Variants in IL4I1 observed in about 807,000 individuals in gnomAD.
IL4I1 encodes L-amino-acid oxidase.
IL4I1 carries 24 observed loss-of-function variants against 29.7 expected under a neutral mutation model. The ratio of observed to expected loss-of-function variants is 0.81; its 90% CI spans 0.59 to 1.14. The LOEUF (loss-of-function observed/expected upper bound fraction) is 1.14. Among genes scored for constraint, IL4I1 ranks in the 50% most tolerant of loss-of-function variants. IL4I1 has a pLI of 0.00. For missense variants in IL4I1, 686 were observed against 785.6 expected (o/e 0.87, Z 1.52); for synonymous variants, 371 against 352.5 (o/e 1.05, Z -0.59).
intron 2 of IL4I1, among the ~76,000 whole-genome samples, chr19:49,906,312 G>A (rs1164847414): frequency 6.6e-6 from 1 of 152,162 alleles, no homozygotes; most frequent in Non-Finnish European, 1.5e-5. Flanking sequence ...GGGCTTAAAT[G>A]ATCCTTCCAT....
chr19:49,901,631 G>T, upstream of IL4I1: 2 of 1,500,722 alleles, frequency 1.3e-6, no homozygotes, highest in Non-Finnish European at 1.8e-6. Context: ...CCGGGTGGGG[G>T]CACTCACTGC....
chr19:49,894,182 G>T, intron 5 of IL4I1, 86 bp downstream of exon 5: 3 of 1,318,004 alleles, frequency 2.3e-6, no homozygotes, highest in Middle Eastern at 2.4e-4. Context: ...CTGAAGGGAT[G>T]CCAGAGAGAA....
At chr19:49,911,592 A>C (rs529146977) in intron 2 of IL4I1, among the ~76,000 whole-genome samples, 1 of 152,012 alleles carries the variant, frequency 6.6e-6, no homozygotes, top group African/African-American at 2.4e-5. Flanking sequence ...ACAGGCCCCT[A>C]AGTTTTGTTT....
chr19:49,913,746 T>A (rs533603017), intron 2 of IL4I1, among the ~76,000 whole-genome samples: 1 of 150,678 alleles, frequency 6.6e-6, no homozygotes, highest in African/African-American at 2.4e-5. Context: ...CTGAGCTCTG[T>A]GAGTCTTAGC....
chr19:49,901,659 G>A (rs1046522974), upstream of IL4I1: 37 of 1,530,284 alleles, frequency 2.4e-5, no homozygotes, highest in East Asian at 8.6e-4. Flanking sequence ...CCTCTGGGGG[G>A]CTCTCTCAGC....
chr19:49,898,428 C>A (rs1361705428), upstream of IL4I1, among the ~76,000 whole-genome samples: 1 of 152,206 alleles, frequency 6.6e-6, no homozygotes, highest in Non-Finnish European at 1.5e-5. Context: ...TGCTTGAGCC[C>A]AGGGGCTCGA....
chr19:49,895,709 C>CAA, intron 3 of IL4I1, 106 bp downstream of exon 3: 40 of 499,186 alleles, frequency 8.0e-5, no homozygotes, highest in East Asian at 1.5e-4. Context: ...CCCCCCACAT[C>CAA]CCCACCTCCA....
At chr19:49,900,024 A>G (rs1342737353), upstream of IL4I1, among the ~76,000 whole-genome samples, 21 of 152,030 alleles carry the variant, frequency 1.4e-4, 1 homozygote, top group Admixed American at 1.3e-3. Context: ...TTTCATAGCG[A>G]CGGGGCCTTG....
Position 49,890,956 on chromosome 19 carries a change from A to G in IL4I1, c.773+15T>C. 1 of 205,342 alleles carries G rather than the reference A, an allele frequency of 4.9e-6. No homozygotes were observed. The highest frequency in any genetic ancestry group is 7.5e-6 in the Non-Finnish European group (1 of 132,532). The allele number at this position is 205,342 out of a possible 1,614,324, so 12.7% of individuals were successfully genotyped here. On this transcript the variant is annotated intron_variant, in intron 7 of 7. Coordinates refer to ENST00000391826, the MANE Select transcript of IL4I1 (RefSeq NM_152899.2). ...CCCCCGCCCCCCCCCCCTGCCCGCC[A>G]GCCCCGCCCCTTACTGGAGTCTGTC...
At chr19:49,909,951 GCA>G (rs920565210) in intron 2 of IL4I1, 14 of 828,088 alleles carry the variant, frequency 1.7e-5, no homozygotes, top group African/African-American at 8.4e-5. Context: ...GCATGACTGG[GCA>G]CAGTCGGTTT....
chr19:49,919,757 CAG>C (rs1468593422), intron 2 of IL4I1, among the ~76,000 whole-genome samples: 2 of 151,774 alleles, frequency 1.3e-5, no homozygotes, highest in Non-Finnish European at 2.9e-5. Context: ...AGGAAACAGC[CAG>C]AGAGAGATTT....
intron 2 of IL4I1, chr19:49,908,126 G>C (rs2075364117): frequency 6.6e-7 from 1 of 1,519,924 alleles, no homozygotes; most frequent in Non-Finnish European, 8.8e-7. Context: ...GCAGTCATGT[G>C]AAAGAAAGAA....
chr19:49,896,792 G>T, intron 1 of IL4I1, 43 bp downstream of exon 1: 2 of 975,646 alleles, frequency 2.0e-6, no homozygotes, highest in Non-Finnish European at 2.4e-6. Flanking sequence ...CTATTTCTGT[G>T]GGTCCTGTCT....
intron 2 of IL4I1, among the ~76,000 whole-genome samples, chr19:49,916,110 C>T (rs1258997323): frequency 6.6e-6 from 1 of 152,204 alleles, no homozygotes; most frequent in Non-Finnish European, 1.5e-5. Flanking sequence ...GAAACAAGTG[C>T]AGACTCCCCA....
At chr19:49,906,550 A>AT (rs2075326936) in intron 2 of IL4I1, among the ~76,000 whole-genome samples, 1 of 152,134 alleles carries the variant, frequency 6.6e-6, no homozygotes, top group Admixed American at 6.5e-5. Flanking sequence ...GTCACAAAAC[A>AT]CCTGGAGCCC....
intron 2 of IL4I1, chr19:49,917,572 T>A (rs1052463473): frequency 6.6e-6 from 1 of 151,270 alleles, no homozygotes. Flanking sequence ...AGACCATGAG[T>A]GGGTCAGGGT....
intron 2 of IL4I1, chr19:49,908,951 C>T (rs2075386850): frequency 1.3e-6 from 2 of 1,565,716 alleles, no homozygotes; most frequent in East Asian, 2.3e-5. Flanking sequence ...GCCGGTGGTG[C>T]TGCTGCTGCT....
intron 2 of IL4I1, chr19:49,909,431 G>C: frequency 1.2e-6 from 2 of 1,614,024 alleles, no homozygotes; most frequent in Non-Finnish European, 1.7e-6. Flanking sequence ...GACGGTGCTC[G>C]ATATGGCATT....
At chr19:49,908,024 G>A (rs1022507279) in intron 2 of IL4I1, 1 of 1,010,944 alleles carries the variant, frequency 9.9e-7, no homozygotes, top group African/African-American at 1.6e-5. Flanking sequence ...GAAAGCCACA[G>A]AAGCCACACC....
Sources: allele counts gnomAD v4.1 joint callset (sites outside exome capture counted in the v4.1 genomes callset), GRCh38; gene constraint gnomAD v4.1.1; transcripts MANE v1.5; gene names NCBI Gene and HGNC (gene_info 2026-07-23, HGNC 2026-07-21).